Variants in TP53BP2 observed in about 807,000 individuals in gnomAD.
The protein encoded by TP53BP2 is apoptosis-stimulating of p53 protein 2.
A neutral mutation model predicts 126.2 loss-of-function variants in TP53BP2; 62 were observed. That is an observed-to-expected ratio of 0.49 (90% confidence interval 0.40 to 0.61). TP53BP2 has a LOEUF of 0.61. Among genes scored for constraint, TP53BP2 ranks in the 20% least tolerant of loss-of-function variants. The pLI, the probability that TP53BP2 is intolerant of heterozygous loss-of-function variation, is 0.00. For synonymous variants in TP53BP2, 485 were observed against 502.9 expected, an observed-to-expected ratio of 0.96 and a Z score of 0.48; for missense variants, 1,215 against 1,402.8, an observed-to-expected ratio of 0.87 and a Z score of 2.14.
At chr1:223,825,053 A>ACACACACACACACACC (rs896409691) in intron 1 of TP53BP2, among the ~76,000 whole-genome samples, 1 of 148,734 alleles carries the variant, frequency 6.7e-6, no homozygotes, top group African/African-American at 2.5e-5. Context: ...ACACACACAC[A>ACACACACACACACACC]CCCTAGCCCA....
At chr1:223,821,146 A>T (rs1663290900) in intron 2 of TP53BP2, 74 bp downstream of exon 2, 2 of 1,584,750 alleles carry the variant, frequency 1.3e-6, no homozygotes, top group Non-Finnish European at 1.7e-6. Context: ...GAGCATTCAC[A>T]CAGTGCCACG....
intron 1 of TP53BP2, chr1:223,845,327 A>AAT: frequency 1.1e-6 from 1 of 893,632 alleles, no homozygotes; most frequent in Non-Finnish European, 1.3e-6. Flanking sequence ...GACCTTCAAG[A>AAT]ACTGCAAAAA....
At chr1:223,800,840 C>T in intron 9 of TP53BP2, 30 bp from the exon 10 acceptor site, 1 of 1,489,660 alleles carries the variant, frequency 6.7e-7, no homozygotes. Context: ...CTACAAATAA[C>T]TCAGCATTCT....
chr1:223,793,185 T>A, intron 14 of TP53BP2, 118 bp downstream of exon 14: 8 of 792,822 alleles, frequency 1.0e-5, no homozygotes, highest in African/African-American at 3.6e-5. Context: ...CGCTTTCTAA[T>A]TAGAGCTTTA....
At chr1:223,786,758 C>G (rs554551084) in intron 16 of TP53BP2, among the ~76,000 whole-genome samples, 4 of 152,014 alleles carry the variant, frequency 2.6e-5, no homozygotes, top group South Asian at 4.1e-4. Flanking sequence ...AGGCGCCCAC[C>G]ACCACGCCTG....
chr1:223,831,699 T>C (rs963239025), intron 1 of TP53BP2, among the ~76,000 whole-genome samples: 17 of 150,628 alleles, frequency 1.1e-4, no homozygotes, highest in Non-Finnish European at 2.1e-4. Context: ...TAAATGTGAT[T>C]ACAACTTGTT....
intron 16 of TP53BP2, among the ~76,000 whole-genome samples, chr1:223,784,645 T>C (rs984447516): frequency 9.2e-5 from 14 of 152,250 alleles, no homozygotes; most frequent in African/African-American, 3.1e-4. Flanking sequence ...TGTTCAAGTC[T>C]AGGATATTAA....
At chr1:223,840,627 T>C (rs1664071764) in intron 1 of TP53BP2, among the ~76,000 whole-genome samples, 2 of 152,190 alleles carry the variant, frequency 1.3e-5, no homozygotes, top group South Asian at 2.1e-4. Context: ...TACACTATGG[T>C]AGATCACCAA....
At chr1:223,830,537 TAA>T (rs929029566) in intron 1 of TP53BP2, among the ~76,000 whole-genome samples, 2 of 139,544 alleles carry the variant, frequency 1.4e-5, no homozygotes, top group African/African-American at 5.3e-5. Flanking sequence ...GAATTTATCC[TAA>T]AAAAAAAAAA....
At chr1:223,820,744 G>A (rs1663274141) in intron 2 of TP53BP2, among the ~76,000 whole-genome samples, 1 of 152,086 alleles carries the variant, frequency 6.6e-6, no homozygotes, top group Non-Finnish European at 1.5e-5. Context: ...AAAGAAACCA[G>A]GCTATCCCAT....
rs1662738485 is a variant in TP53BP2, at chr1:223,806,864, T to C, written c.456A>G (p.Gln152=). Residue 152 remains glutamine, a synonymous_variant, in exon 5 of 18, where the codon CAA becomes CAG. Transcript: ENST00000343537. The part of the protein sequence containing the change: ...SRQQQQIEAQ[Q]QLLATKEQRL... Reference sequence around the variant, plus strand: ...ATACTACCTTAGTTGCCAGCAATTGTTGCTGGGCTTCAATCTGTTGCTGCT... The same window carrying C: ...ATACTACCTTAGTTGCCAGCAATTGCTGCTGGGCTTCAATCTGTTGCTGCT... 1 of 1,613,786 alleles carries C rather than the reference T, an allele frequency of 6.2e-7. No homozygotes were observed. The highest frequency in any genetic ancestry group is 8.5e-7 in the Non-Finnish European group (1 of 1,179,888).
intron 2 of TP53BP2, among the ~76,000 whole-genome samples, chr1:223,816,610 CAA>C (rs1310641895): frequency 6.6e-6 from 1 of 151,886 alleles, no homozygotes; most frequent in Non-Finnish European, 1.5e-5. Flanking sequence ...CAAATTTAAA[CAA>C]AAGTCAGGTT....
chr1:223,843,595 ATATT>A (rs886280823), intron 1 of TP53BP2, among the ~76,000 whole-genome samples: 1 of 152,230 alleles, frequency 6.6e-6, no homozygotes, highest in African/African-American at 2.4e-5. Context: ...TTAAAATGGC[ATATT>A]TTATTTTATG....
rs182275811 is a variant in TP53BP2 at position 223,825,136 on chromosome 1, A to C, written c.28-3769T>G. On this transcript the variant is annotated intron_variant, in intron 1 of 17. Transcript: ENST00000343537. Reference sequence around the variant, plus strand: ...TGTTATATTTATTTAACTCATTTTTATTATCTGCCTTTCCTACTAGAAAGT... The same window carrying C: ...TGTTATATTTATTTAACTCATTTTTCTTATCTGCCTTTCCTACTAGAAAGT... Among the ~76,000 whole-genome samples, 43 of 151,972 alleles carry C rather than the reference A, an allele frequency of 2.8e-4. 1 individual carries two copies. Among genetic ancestry groups the C allele is most frequent in the Non-Finnish European group, 2.9e-5 (2 of 67,992 alleles).
chr1:223,805,371 T>C (rs1056181984), intron 5 of TP53BP2, among the ~76,000 whole-genome samples: 1 of 152,204 alleles, frequency 6.6e-6, no homozygotes, highest in Admixed American at 6.5e-5. Flanking sequence ...CTCAATGTAA[T>C]GTGCATCAGC....
intron 3 of TP53BP2, 115 bp downstream of exon 3, chr1:223,814,125 T>A (rs947511264): frequency 1.2e-5 from 9 of 727,276 alleles, no homozygotes; most frequent in Admixed American, 7.4e-5. Context: ...TGTTTCCACT[T>A]CCTAACCTCT....
In TP53BP2 at chr1:223,796,206, G is replaced by C; in HGVS notation, c.2333C>G (p.Ser778Cys). The change falls in exon 13 of 18, where the codon TCC (serine) becomes TGC (cysteine). Residue 778 changes from serine (S) to cysteine (C), a missense_variant. Ser to Cys is a moderately radical substitution (Grantham distance 112). Transcript: ENST00000343537. This position sits in a 1 kb window ranked among gnomAD's most constrained non-coding sequence, Gnocchi z 4.2. ...METISVPSYP[S>C]KSASVTASSE... is the part of the protein sequence containing the mutation. The stretch of plus-strand genomic sequence containing the variant: ...GCTGGCAGTCACAGAAGCTGACTTG[G>C]ATGGGTATGATGGGACAGAGATGGT... 3 of 1,614,212 alleles carry C rather than the reference G, an allele frequency of 1.9e-6. No homozygotes were observed. Among genetic ancestry groups the C allele is most frequent in the Non-Finnish European group, 1.7e-6 (2 of 1,180,036 alleles).
At chr1:223,800,422 A>C (rs1662489059) in intron 10 of TP53BP2, among the ~76,000 whole-genome samples, 1 of 152,104 alleles carries the variant, frequency 6.6e-6, no homozygotes, top group South Asian at 2.1e-4. Context: ...CTCTACAAAA[A>C]ATACAGAAAT....
chr1:223,829,168 C>CA (rs1185611470), intron 1 of TP53BP2, among the ~76,000 whole-genome samples: 5 of 151,862 alleles, frequency 3.3e-5, no homozygotes, highest in Admixed American at 1.3e-4. Context: ...CCTGTCTCTA[C>CA]AAAAAAACAC....
Sources: gnomAD v4.1 joint callset for allele counts (sites outside exome capture counted in the v4.1 genomes callset) on GRCh38, gnomAD v4.1.1 for gene constraint, Gnocchi (gnomAD v3.1) non-coding constraint, MANE v1.5 for transcripts, NCBI Gene and HGNC (gene_info 2026-07-23, HGNC 2026-07-21) for gene names.